EBF1: variants seen among roughly 807,000 people sequenced by gnomAD.
EBF1 encodes the protein EBF transcription factor 1, also known as transcription factor COE1.
EBF1 carries 10 observed loss-of-function variants against 68.4 expected under a neutral mutation model. The observed-to-expected ratio is 0.15, with a 90% CI of 0.09 to 0.25. EBF1 has a LOEUF of 0.25. EBF1 is among the 10% of genes least tolerant of loss of function. The probability of loss-of-function intolerance (pLI) is 1.00; values close to 1 mark genes in which losing one functional copy is unlikely to be tolerated. For missense variants in EBF1, 509 were observed against 794.4 expected, an observed-to-expected ratio of 0.64 and a Z score of 4.32; for synonymous variants, 298 against 299.8, an observed-to-expected ratio of 0.99 and a Z score of 0.06.
chr5:158,945,019 G>T (rs1211931183), intron 6 of EBF1, among the ~76,000 whole-genome samples: 4 of 152,070 alleles, frequency 2.6e-5, no homozygotes, highest in Non-Finnish European at 5.9e-5. Context: ...CATTCTGTAG[G>T]TTGCCTGTTC....
intron 11 of EBF1, among the ~76,000 whole-genome samples, chr5:158,729,859 A>G (rs1312757793): frequency 6.6e-6 from 1 of 152,200 alleles, no homozygotes; most frequent in East Asian, 1.9e-4. Context: ...TCTCCGGAGC[A>G]GTTAGCGCTC....
At chr5:158,821,360 A>G (rs1784788584) in intron 8 of EBF1, among the ~76,000 whole-genome samples, 1 of 152,202 alleles carries the variant, frequency 6.6e-6, no homozygotes, top group African/African-American at 2.4e-5. Context: ...GATCCTTTAG[A>G]GAAGGCTATA....
Position 158,713,140 on chromosome 5 carries a change from A to T in EBF1, c.1199T>A (p.Ile400Asn). The change falls in exon 13 of 16, where the codon ATT becomes AAT. Residue 400 changes from isoleucine (I) to asparagine (N), a missense_variant. Coordinates refer to ENST00000313708, the MANE Select transcript of EBF1 (RefSeq NM_024007.5). Reference sequence around the variant, plus strand: ...GGCAATGTCGGCCGCTCTCTTCAGAATGATTTCCTGAAAAGTCAAAGGAAT... The same window carrying T: ...GGCAATGTCGGCCGCTCTCTTCAGATTGATTTCCTGAAAAGTCAAAGGAAT... ...YGMPHNNQEI[I>N]LKRAADIAEA... 2 of 1,475,764 alleles carry T rather than the reference A, an allele frequency of 1.4e-6. No homozygotes were observed. The highest frequency in any genetic ancestry group is 1.8e-6 in the Non-Finnish European group (2 of 1,105,020). 91.4% of individuals were successfully genotyped at this position (1,475,764 alleles called of 1,614,324 possible). A position where few individuals can be genotyped will look rare whatever the true frequency, so the allele number is the denominator to read the frequency against.
At chr5:158,999,600 A>T (rs372450978) in intron 6 of EBF1, among the ~76,000 whole-genome samples, 1 of 152,218 alleles carries the variant, frequency 6.6e-6, no homozygotes, top group African/African-American at 2.4e-5. Flanking sequence ...TAAACAGAGA[A>T]CTGATCAGTG....
At chr5:159,080,723 T>C (rs1469876768) in intron 5 of EBF1, among the ~76,000 whole-genome samples, 1 of 152,232 alleles carries the variant, frequency 6.6e-6, no homozygotes, top group Non-Finnish European at 1.5e-5. Flanking sequence ...GTGGTGATTA[T>C]TGCATTTAAT....
intron 4 of EBF1, among the ~76,000 whole-genome samples, chr5:159,085,178 G>C (rs1031682153): frequency 6.6e-6 from 1 of 152,150 alleles, no homozygotes; most frequent in Non-Finnish European, 1.5e-5. Flanking sequence ...TAGTCTTCCA[G>C]GGATGGGTAG....
intron 8 of EBF1, among the ~76,000 whole-genome samples, chr5:158,802,422 G>C (rs1024289273): frequency 2.6e-5 from 4 of 152,072 alleles, no homozygotes; most frequent in African/African-American, 9.7e-5. Context: ...ATCTCAAGGT[G>C]ATATAAGGTT....
chr5:158,714,152 C>T lies in EBF1; in HGVS notation c.1156G>A (p.Val386Ile), dbSNP rs1336704847. ...TGTGGCATCCCATACAGTGCTTCTA[C>T]CAGATCCGCAGCCCTTTTGAGTATT... ...EVILKRAADL[V>I]EALYGMPHNN... Residue 386 changes from valine (V) to isoleucine (I), a missense_variant, in exon 12 of 16, where the codon GTA becomes ATA. This residue lies in a region of EBF1 where 230 missense variants were observed against 467.7 expected (regional missense o/e 0.49). Transcript: ENST00000313708. The T allele has an allele frequency of 1.9e-6, 3 of 1,614,248 alleles. No individual in the cohort carries two copies. Among genetic ancestry groups the T allele is most frequent in the Non-Finnish European group, 1.7e-6 (2 of 1,180,042 alleles).
intron 6 of EBF1, among the ~76,000 whole-genome samples, chr5:158,859,287 A>G (rs1209467342): frequency 6.6e-6 from 1 of 152,134 alleles, no homozygotes; most frequent in East Asian, 1.9e-4. Context: ...GCTTTAGCTC[A>G]ACCATTCCTT....
At chr5:158,999,416 C>G (rs1303332507) in intron 6 of EBF1, among the ~76,000 whole-genome samples, 3 of 152,218 alleles carry the variant, frequency 2.0e-5, no homozygotes, top group African/African-American at 4.8e-5. Flanking sequence ...GTTAAAGGAT[C>G]TGTCTTCAAA....
At chr5:158,751,882 G>A (rs1198318815) in intron 10 of EBF1, among the ~76,000 whole-genome samples, 1 of 152,050 alleles carries the variant, frequency 6.6e-6, no homozygotes, top group Non-Finnish European at 1.5e-5. Flanking sequence ...AGGCAAGGGT[G>A]CAATTTCAGT....
At chr5:159,093,067 A>G (rs1310535060) in intron 4 of EBF1, among the ~76,000 whole-genome samples, 2 of 152,232 alleles carry the variant, frequency 1.3e-5, no homozygotes, top group African/African-American at 2.4e-5. Context: ...TGTTTTACTC[A>G]TTAAGGCTAA....
At chr5:158,734,764 A>T (rs969487593) in intron 10 of EBF1, among the ~76,000 whole-genome samples, 10 of 152,150 alleles carry the variant, frequency 6.6e-5, no homozygotes, top group Admixed American at 6.5e-4. Flanking sequence ...AATTAACTAC[A>T]AATAAAGAAG....
intron 15 of EBF1, among the ~76,000 whole-genome samples, chr5:158,706,549 C>A (rs926927943): frequency 6.6e-6 from 1 of 152,128 alleles, no homozygotes; most frequent in Admixed American, 6.5e-5. Flanking sequence ...GCATCCAGCA[C>A]ACAGTATGTG....
intron 6 of EBF1, among the ~76,000 whole-genome samples, chr5:158,926,405 G>A (rs1809696039): frequency 6.6e-6 from 1 of 152,130 alleles, no homozygotes; most frequent in South Asian, 2.1e-4. Flanking sequence ...ATGTCAAAAT[G>A]TTCCAACCCA....
Position 158,854,769 on chromosome 5 carries a change from T to G in EBF1, c.555-14659A>C, listed in dbSNP as rs577729008. Among the ~76,000 whole-genome samples, 9 of 152,236 alleles carry G rather than the reference T, an allele frequency of 5.9e-5. 1 individual carries two copies. In the South Asian group the frequency reaches 1.9e-3, roughly 32 times the overall value. On this transcript the variant is annotated intron_variant, in intron 6 of 15. Transcript: ENST00000313708. ...GCCATCAAACCCAGCACAAACAAGT[T>G]TTTTCCCTTCCTACATTTAATGGGA...
intron 6 of EBF1, among the ~76,000 whole-genome samples, chr5:158,976,991 A>G (rs532034571): frequency 3.3e-5 from 5 of 152,330 alleles, no homozygotes; most frequent in Non-Finnish European, 7.4e-5. Flanking sequence ...TAGTCATCCC[A>G]TGCACAGAAG....
At chr5:158,712,929 T>C (rs1759750898) in intron 13 of EBF1, 41 bp downstream of exon 13, 2 of 1,390,744 alleles carry the variant, frequency 1.4e-6, no homozygotes, top group Non-Finnish European at 1.9e-6. Flanking sequence ...GGAGATGGGG[T>C]GCTTAAGGTT....
chr5:158,929,521 T>C (rs1028183595), intron 6 of EBF1, among the ~76,000 whole-genome samples: 10 of 151,666 alleles, frequency 6.6e-5, no homozygotes, highest in Non-Finnish European at 1.5e-4. Flanking sequence ...TATAATGGTG[T>C]CATTTACACT....
Sources: gnomAD v4.1 joint callset for allele counts (sites outside exome capture counted in the v4.1 genomes callset) on GRCh38, gnomAD v4.1.1 for gene constraint, gnomAD v4.1.1 regional missense constraint, MANE v1.5 for transcripts, NCBI Gene and HGNC (gene_info 2026-07-23, HGNC 2026-07-21) for gene names.